Variants in TPRG1 observed in about 807,000 individuals in gnomAD.
The protein encoded by TPRG1 is tumor protein p63-regulated gene 1 protein.
TPRG1 carries 29 observed loss-of-function variants against 29.3 expected under a neutral mutation model. The observed-to-expected ratio is 0.99, with a 90% CI of 0.74 to 1.35. The LOEUF (loss-of-function observed/expected upper bound fraction) is 1.35. Among genes scored for constraint, TPRG1 ranks in the 40% most tolerant of loss-of-function variants. The pLI is 0.00. For missense variants in TPRG1, 327 were observed against 335.0 expected (o/e 0.98, Z 0.19); for synonymous variants, 130 against 116.8 (o/e 1.11, Z -0.73).
chr3:189,121,009 G>T (rs532928343), intron 1 of TPRG1, among the ~76,000 whole-genome samples: 1 of 152,248 alleles, frequency 6.6e-6, no homozygotes, highest in East Asian at 1.9e-4. Context: ...ATTAGATGAC[G>T]CAGTACTACA....
At chr3:189,194,350 G>T (rs529004333) in intron 1 of TPRG1, among the ~76,000 whole-genome samples, 20 of 152,282 alleles carry the variant, frequency 1.3e-4, no homozygotes, top group Admixed American at 1.2e-3. Flanking sequence ...TTATTATCAG[G>T]TCTGACACAG....
chr3:189,170,924 A>G (rs1045012967), upstream of TPRG1, among the ~76,000 whole-genome samples: 1 of 152,216 alleles, frequency 6.6e-6, no homozygotes, highest in Admixed American at 6.5e-5. Context: ...TCCTCCAGCC[A>G]TCAAACAAAT....
At chr3:189,035,092 T>C (rs1305154606) in intron 4 of TPRG1, among the ~76,000 whole-genome samples, 1 of 152,012 alleles carries the variant, frequency 6.6e-6, no homozygotes, top group Non-Finnish European at 1.5e-5. Context: ...AACAGACACA[T>C]AGACCAATGG....
At chr3:189,012,298 G>A (rs553346578) in intron 3 of TPRG1, among the ~76,000 whole-genome samples, 3 of 151,944 alleles carry the variant, frequency 2.0e-5, no homozygotes, top group Admixed American at 6.6e-5. Flanking sequence ...TTATTTTGAG[G>A]TATGTTCCAT....
At position 189,321,976 on chromosome 3, in the gene TPRG1, C is replaced by T. The variant is rs1370227889; in HGVS notation, c.*1156C>T. 1 of 152,048 alleles carries T rather than the reference C, an allele frequency of 6.6e-6. No individual in the cohort carries two copies. Among genetic ancestry groups the T allele is most frequent in the Non-Finnish European group, 1.5e-5 (1 of 67,984 alleles). 9.4% of individuals were successfully genotyped at this position (152,048 alleles called of 1,614,324 possible). Reference sequence around the variant, plus strand: ...TTTCCCTCTTATTTCCTCTTTGTCTCTTCCCGACTTAGATCTAATTTTCAA... The same window carrying T: ...TTTCCCTCTTATTTCCTCTTTGTCTTTTCCCGACTTAGATCTAATTTTCAA... On this transcript the variant is annotated 3_prime_UTR_variant, in exon 6 of 6. Transcript: ENST00000345063.
intron 1 of TPRG1, among the ~76,000 whole-genome samples, chr3:189,194,527 G>GATCTGTGAC (rs1399859221): frequency 1.3e-5 from 2 of 152,274 alleles, no homozygotes; most frequent in East Asian, 3.9e-4. Flanking sequence ...ACAGAGCCTG[G>GATCTGTGAC]ATCTGTGACT....
chr3:189,202,688 C>T (rs1162151374), intron 1 of TPRG1, among the ~76,000 whole-genome samples: 1 of 152,038 alleles, frequency 6.6e-6, no homozygotes, highest in Non-Finnish European at 1.5e-5. Flanking sequence ...GTTTTGTGAA[C>T]CTCAGGCACT....
rs543148466 is a variant in TPRG1, at chr3:189,004,120, T to C, written c.-877-423T>C. ...AATGTGAGCACCAGGTTTTCTTTAA[T>C]TTCATTTTAATAGTTGCTGTATTTT... is the stretch of plus-strand genomic sequence containing the variant. On this transcript the variant is annotated intron_variant, in intron 2 of 10. Coordinates refer to the TPRG1 transcript ENST00000433971. 4.6e-5 allele frequency among the ~76,000 whole-genome samples: 7 copies of C among 152,308 alleles called. No homozygotes were observed. The South Asian group carries it at 1.4e-3, about 32-fold the overall frequency.
At position 189,118,705 on chromosome 3, in the gene TPRG1, G is replaced by A. The variant is rs1327761091; in HGVS notation, c.-743-8352G>A. Among the ~76,000 whole-genome samples the A allele has an allele frequency of 5.9e-5, 9 of 152,344 alleles. No homozygotes were observed. The East Asian group carries it at 1.5e-3, about 26-fold the overall frequency. On this transcript the variant is annotated intron_variant, in intron 1 of 6. Coordinates refer to the TPRG1 transcript ENST00000412373. ...TTGCTTCAGCGAGTGCAAACCCCAA[G>A]CCCCAAGCCTTGGCAGCTTCCATGT...
At chr3:189,240,185 G>A (rs1026206339) in intron 4 of TPRG1, 2 of 152,130 alleles carry the variant, frequency 1.3e-5, no homozygotes, top group African/African-American at 4.8e-5. Flanking sequence ...GATGCAAAAA[G>A]TGATTAATTT....
At chr3:189,267,903 T>C (rs1478011575) in intron 4 of TPRG1, among the ~76,000 whole-genome samples, 1 of 152,080 alleles carries the variant, frequency 6.6e-6, no homozygotes, top group Non-Finnish European at 1.5e-5. Context: ...GTGGGATGAA[T>C]TGGAGCACTG....
At chr3:189,102,557 A>C (rs1430756061) in intron 1 of TPRG1, among the ~76,000 whole-genome samples, 1 of 152,192 alleles carries the variant, frequency 6.6e-6, no homozygotes. Context: ...TCTATTGCCT[A>C]AATTCAGGCC....
chr3:189,070,181 ATTTAAT>A (rs1255909804), intron 4 of TPRG1, among the ~76,000 whole-genome samples: 2 of 152,226 alleles, frequency 1.3e-5, no homozygotes, highest in Admixed American at 1.3e-4. Context: ...ATACTGTATG[ATTTAAT>A]TTATATAACG....
intron 4 of TPRG1, among the ~76,000 whole-genome samples, chr3:189,057,531 T>C (rs1268990810): frequency 1.3e-5 from 2 of 150,908 alleles, no homozygotes; most frequent in East Asian, 3.9e-4. Flanking sequence ...TTCTGTGGGC[T>C]CTTTTCTACA....
rs564344760 is a variant in TPRG1, at chr3:189,274,072, C to T, written c.479+35163C>T. Reference sequence around the variant, plus strand: ...ATTTTGTACCCCAACTGTCTTAATACCTCAAATTCTTTATCTTTTAACTTC... The same window carrying T: ...ATTTTGTACCCCAACTGTCTTAATATCTCAAATTCTTTATCTTTTAACTTC... On this transcript the variant is annotated intron_variant, in intron 4 of 5. Transcript: ENST00000345063. 6.8e-4 allele frequency among the ~76,000 whole-genome samples: 103 copies of T among 151,858 alleles called. 1 individual carries two copies. The highest frequency in any genetic ancestry group is 2.4e-3 in the African/African-American group (99 of 41,386).
intron 4 of TPRG1, among the ~76,000 whole-genome samples, chr3:189,046,691 A>G (rs74876740): frequency 2.1e-3 from 319 of 151,930 alleles, no homozygotes; most frequent in African/African-American, 7.0e-3. Flanking sequence ...CTTTTCCTGT[A>G]GTATACGTTT....
At chr3:189,315,877 C>G (rs1723430995) in intron 5 of TPRG1, among the ~76,000 whole-genome samples, 1 of 152,010 alleles carries the variant, frequency 6.6e-6, no homozygotes, top group Admixed American at 6.6e-5. Context: ...ATTTAAAGTA[C>G]TAAGATTGTA....
chr3:189,009,287 C>G (rs1230578531), intron 3 of TPRG1, among the ~76,000 whole-genome samples: 1 of 152,050 alleles, frequency 6.6e-6, no homozygotes, highest in Non-Finnish European at 1.5e-5. Flanking sequence ...TTGTGGAAAA[C>G]TTAACCCTAT....
chr3:189,111,309 A>C (rs895777558), intron 1 of TPRG1, among the ~76,000 whole-genome samples: 4 of 152,096 alleles, frequency 2.6e-5, no homozygotes, highest in African/African-American at 9.7e-5. Context: ...CAAGATTTGT[A>C]CATAAATATT....
Sources: gnomAD v4.1 joint callset for allele counts (sites outside exome capture counted in the v4.1 genomes callset) on GRCh38, gnomAD v4.1.1 for gene constraint, MANE v1.5 for transcripts, NCBI Gene and HGNC (gene_info 2026-07-23, HGNC 2026-07-21) for gene names.